NHS: variants seen among roughly 807,000 people sequenced by gnomAD.
NHS encodes NHS actin remodeling regulator.
Under a neutral mutation model 72.5 loss-of-function variants are expected in NHS, and 5 were observed. The observed-to-expected ratio is 0.07, with a 90% CI of 0.04 to 0.14. The LOEUF is 0.14. NHS is among the 10% of genes least tolerant of loss of function. The pLI, the probability that NHS is intolerant of heterozygous loss-of-function variation, is 1.00. For missense variants in NHS, 1,072 were observed against 1,355.7 expected (o/e 0.79, Z 3.29); for synonymous variants, 464 against 547.7 (o/e 0.85, Z 2.13).
chrX:17,689,847 A>T (rs1023515970), intron 2 of NHS, among the ~76,000 whole-genome samples: 10 of 111,918 alleles, frequency 8.9e-5, no homozygotes, highest in African/African-American at 3.3e-4. Flanking sequence ...TTATCCCTTT[A>T]TTTTATTAAT....
chrX:17,417,081 GA>G (rs922389711), intron 1 of NHS, among the ~76,000 whole-genome samples: 1 of 100,511 alleles, frequency 9.9e-6, no homozygotes, highest in African/African-American at 4.0e-5. Context: ...GTGAATTTAA[GA>G]AAACAGAATA....
In NHS at chrX:17,543,877, G is replaced by T. The variant is rs148974207; in HGVS notation, c.566-143865G>T. Among the ~76,000 whole-genome samples the T allele has an allele frequency of 8.6e-3, 964 of 111,738 alleles. 9 individuals carry two copies. The highest frequency in any genetic ancestry group is 0.029 in the African/African-American group (898 of 30,738). On this transcript the variant is annotated intron_variant, in intron 1 of 8. Coordinates refer to ENST00000676302, the MANE Select transcript of NHS (RefSeq NM_001291867.2). ...AGTGCCTGGATTCTAGGAGTACCTTGGTTTGGGGCCCTTCAAGGCCAAAAT... is the reference window on the plus strand; with the variant it reads ...AGTGCCTGGATTCTAGGAGTACCTTTGTTTGGGGCCCTTCAAGGCCAAAAT...
intron 1 of NHS, among the ~76,000 whole-genome samples, chrX:17,464,128 G>A (rs1342423079): frequency 8.9e-6 from 1 of 112,122 alleles, no homozygotes; most frequent in Non-Finnish European, 1.9e-5. Flanking sequence ...TGGGGGAGAG[G>A]AATTCTAGTT....
At chrX:17,617,395 A>T (rs1308935664) in intron 1 of NHS, among the ~76,000 whole-genome samples, 1 of 112,563 alleles carries the variant, frequency 8.9e-6, no homozygotes, top group African/African-American at 3.2e-5. Flanking sequence ...TTCAGTGCTT[A>T]ACTGCTTTTG....
At chrX:17,485,678 C>T (rs950172179) in intron 1 of NHS, among the ~76,000 whole-genome samples, 3 of 111,678 alleles carry the variant, frequency 2.7e-5, no homozygotes, top group Non-Finnish European at 5.6e-5. Context: ...TTTCAATTTT[C>T]CCAAGCCCCA....
At chrX:17,698,229 G>C (rs1209204514) in intron 3 of NHS, among the ~76,000 whole-genome samples, 3 of 111,208 alleles carry the variant, frequency 2.7e-5, no homozygotes, top group African/African-American at 9.8e-5. Context: ...AAGAAAAAGA[G>C]AGAGAAAACA....
chrX:17,716,355 C>A (rs962243925), intron 3 of NHS, among the ~76,000 whole-genome samples: 1 of 112,242 alleles, frequency 8.9e-6, no homozygotes, highest in Non-Finnish European at 1.9e-5. Flanking sequence ...CAGTTTCTGA[C>A]GGTGTGATTT....
At chrX:17,638,563 G>A (rs2065862878) in intron 1 of NHS, among the ~76,000 whole-genome samples, 1 of 111,833 alleles carries the variant, frequency 8.9e-6, no homozygotes, top group Non-Finnish European at 1.9e-5. Context: ...TGAGGAAAAT[G>A]GGCTTTGGTG....
chrX:17,496,757 A>G (rs894148657), intron 1 of NHS, among the ~76,000 whole-genome samples: 3 of 111,738 alleles, frequency 2.7e-5, no homozygotes, highest in African/African-American at 9.8e-5. Flanking sequence ...CCCTCTCCCA[A>G]TTTGCTGGAT....
At chrX:17,524,259 T>A (rs2065163177) in intron 1 of NHS, among the ~76,000 whole-genome samples, 1 of 112,265 alleles carries the variant, frequency 8.9e-6, no homozygotes, top group Non-Finnish European at 1.9e-5. Context: ...TATGTGAATT[T>A]TTTTGCTGAA....
intron 1 of NHS, among the ~76,000 whole-genome samples, chrX:17,511,007 TC>T (rs1282734602): frequency 8.9e-6 from 1 of 112,015 alleles, no homozygotes; most frequent in African/African-American, 3.2e-5. Flanking sequence ...GAATTCCAGT[TC>T]TGTGTTCAGC....
At chrX:17,476,674 C>T (rs1014177334) in intron 1 of NHS, among the ~76,000 whole-genome samples, 3 of 111,645 alleles carry the variant, frequency 2.7e-5, no homozygotes, top group Non-Finnish European at 5.7e-5. Context: ...CATTATCAAG[C>T]TGAATCCTAC....
intron 3 of NHS, among the ~76,000 whole-genome samples, chrX:17,707,460 C>G (rs112072023): frequency 1.7e-3 from 194 of 111,853 alleles, no homozygotes; most frequent in African/African-American, 6.1e-3. Flanking sequence ...CAAAACAAAC[C>G]TTTCTTTTTA....
chrX:17,566,442 C>T (rs73189153), intron 1 of NHS, among the ~76,000 whole-genome samples: 4,174 of 111,916 alleles, frequency 0.037, 105 homozygotes, highest in Non-Finnish European at 0.055. Flanking sequence ...CACCAGCTCC[C>T]ACTGGACTTT....
intron 1 of NHS, among the ~76,000 whole-genome samples, chrX:17,618,946 G>A (rs1342013534): frequency 8.9e-6 from 1 of 112,293 alleles, no homozygotes; most frequent in Non-Finnish European, 1.9e-5. Context: ...TTCACAAACT[G>A]ATCCATTCTG....
In NHS at chrX:17,597,735, A is replaced by C. The variant is rs753880414; in HGVS notation, c.566-90007A>C. 1.7e-4 allele frequency among the ~76,000 whole-genome samples: 19 copies of C among 110,785 alleles called. No homozygotes were observed. In the Admixed American group the frequency reaches 1.7e-3, roughly 10 times the overall value. On this transcript the variant is annotated intron_variant, in intron 1 of 8. Coordinates refer to ENST00000676302, the MANE Select transcript of NHS (RefSeq NM_001291867.2). ...TTAGATAAGAGGGAACTCAGCTTTG[A>C]TTGAAGAGCCAGCTGTGTCAGAAAG...
chrX:17,375,623 C>A lies in NHS; in HGVS notation c.-135C>A. On this transcript the variant is annotated 5_prime_UTR_variant, in exon 1 of 9. Transcript: ENST00000676302. ...AGAGGAGGCAAGGTGAGCAGAGAAGCCCCCTGCGTATCCGGACTGCCAGAT... is the reference window on the plus strand; with the variant it reads ...AGAGGAGGCAAGGTGAGCAGAGAAGACCCCTGCGTATCCGGACTGCCAGAT... 2 of 597,511 alleles carry A rather than the reference C, an allele frequency of 3.3e-6. No individual in the cohort carries two copies. Among genetic ancestry groups the A allele is most frequent in the Non-Finnish European group, 5.3e-6 (2 of 377,812 alleles). The allele number at this position is 597,511 out of a possible 1,213,427, so 49.2% of individuals were successfully genotyped here. A position where few individuals can be genotyped will look rare whatever the true frequency, so the allele number is the denominator to read the frequency against.
intron 1 of NHS, among the ~76,000 whole-genome samples, chrX:17,615,161 CTA>C (rs1277760699): frequency 2.9e-3 from 113 of 39,253 alleles, no homozygotes; most frequent in Non-Finnish European, 3.5e-3. Flanking sequence ...TGTATATATA[CTA>C]TATATATACG....
chrX:17,488,045 C>T (rs1389176638), intron 1 of NHS, among the ~76,000 whole-genome samples: 5 of 111,236 alleles, frequency 4.5e-5, no homozygotes, highest in African/African-American at 6.5e-5. Context: ...TGTATCCTGC[C>T]GGCATCCCAC....
Sources: allele counts gnomAD v4.1 joint callset (sites outside exome capture counted in the v4.1 genomes callset), GRCh38; gene constraint gnomAD v4.1.1; transcripts MANE v1.5; gene names NCBI Gene and HGNC (gene_info 2026-07-23, HGNC 2026-07-21).